DLGAP2: variants seen among roughly 807,000 people sequenced by gnomAD.
DLGAP2 encodes the protein DLG associated protein 2.
In DLGAP2, 26 loss-of-function variants were observed where a neutral mutation model predicts 100.3. The observed-to-expected ratio is 0.26, with a 90% CI of 0.19 to 0.36. The LOEUF is 0.36. DLGAP2 is among the 10% of genes least tolerant of loss of function. DLGAP2 has a pLI of 1.00. For missense variants in DLGAP2, 1,858 were observed against 1,453.2 expected (o/e 1.28, Z -4.53); for synonymous variants, 886 against 630.1 (o/e 1.41, Z -6.08).
intron 10 of DLGAP2, among the ~76,000 whole-genome samples, chr8:1,672,811 T>G (rs553368269): frequency 8.5e-5 from 13 of 152,194 alleles, no homozygotes. Context: ...CAGAGGGAAA[T>G]AAACAGGAGT....
chr8:1,364,506 G>C (rs908535871), intron 3 of DLGAP2, among the ~76,000 whole-genome samples: 1 of 150,232 alleles, frequency 6.7e-6, no homozygotes, highest in African/African-American at 2.4e-5. Flanking sequence ...GAAGGGCGGG[G>C]GGGGTGCAGC....
At chr8:1,170,761 G>A (rs999189519) in intron 2 of DLGAP2, among the ~76,000 whole-genome samples, 2 of 150,100 alleles carry the variant, frequency 1.3e-5, no homozygotes, top group African/African-American at 4.9e-5. Flanking sequence ...GCATCTATTT[G>A]ATTCTTTTCT....
chr8:1,483,985 A>G lies in DLGAP2; in HGVS notation c.107-17381A>G, dbSNP rs557653146. Among the ~76,000 whole-genome samples, 5 of 152,358 alleles carry G rather than the reference A, an allele frequency of 3.3e-5. No homozygotes were observed. In the South Asian group the frequency reaches 1.0e-3, roughly 32 times the overall value. ...TGTTCTTGCCCATGGGTTTAGCGTGATATGGAAACTGGGATGTTTTGCCCC... is the reference window on the plus strand; with the variant it reads ...TGTTCTTGCCCATGGGTTTAGCGTGGTATGGAAACTGGGATGTTTTGCCCC... On this transcript the variant is annotated intron_variant, in intron 3 of 14. Coordinates refer to ENST00000637795, the MANE Select transcript of DLGAP2 (RefSeq NM_001346810.2).
chr8:1,438,335 G>T (rs1403530352), intron 3 of DLGAP2, among the ~76,000 whole-genome samples: 1 of 152,182 alleles, frequency 6.6e-6, no homozygotes, highest in Non-Finnish European at 1.5e-5. Context: ...AAAACCAGAA[G>T]ACCAGTTACA....
intron 2 of DLGAP2, among the ~76,000 whole-genome samples, chr8:936,072 A>G (rs1253450083): frequency 6.6e-6 from 1 of 152,148 alleles, no homozygotes; most frequent in African/African-American, 2.4e-5. Flanking sequence ...CTCGCGGAGC[A>G]CGTTGTGGGT....
intron 1 of DLGAP2, among the ~76,000 whole-genome samples, chr8:862,884 C>A (rs1039160386): frequency 6.6e-6 from 1 of 152,158 alleles, no homozygotes; most frequent in Non-Finnish European, 1.5e-5. Flanking sequence ...TACTTATTAA[C>A]ATACATAATT....
intron 1 of DLGAP2, among the ~76,000 whole-genome samples, chr8:854,883 AG>A (rs1364960790): frequency 6.6e-6 from 1 of 152,244 alleles, no homozygotes; most frequent in Non-Finnish European, 1.5e-5. Flanking sequence ...CACAGGTATC[AG>A]GAAACAGTAG....
At chr8:880,396 A>G (rs981730644) in intron 1 of DLGAP2, among the ~76,000 whole-genome samples, 10 of 152,230 alleles carry the variant, frequency 6.6e-5, no homozygotes, top group African/African-American at 2.4e-4. Context: ...ACTCACACAC[A>G]GAGGGTTCTG....
At chr8:1,554,844 G>C (rs1453951750) in intron 5 of DLGAP2, among the ~76,000 whole-genome samples, 1 of 151,830 alleles carries the variant, frequency 6.6e-6, no homozygotes, top group African/African-American at 2.4e-5. Flanking sequence ...TGGCTTATGG[G>C]GTGCTTTCAA....
At chr8:1,419,416 TG>T (rs1473115906) in intron 3 of DLGAP2, among the ~76,000 whole-genome samples, 8 of 77,382 alleles carry the variant, frequency 1.0e-4, no homozygotes, top group African/African-American at 2.8e-4. Flanking sequence ...TACATATTTG[TG>T]GGATACTGTG....
At chr8:1,315,057 G>T (rs1203157921) in intron 3 of DLGAP2, among the ~76,000 whole-genome samples, 1 of 152,214 alleles carries the variant, frequency 6.6e-6, no homozygotes, top group East Asian at 1.9e-4. Flanking sequence ...TTTTCTAAGT[G>T]ACGCTTTTTT....
chr8:987,163 G>A (rs1012379963), intron 2 of DLGAP2, among the ~76,000 whole-genome samples: 8 of 152,118 alleles, frequency 5.3e-5, no homozygotes, highest in Non-Finnish European at 1.2e-4. Flanking sequence ...ATTCAGTGGT[G>A]CCACCGGAGG....
intron 4 of DLGAP2, among the ~76,000 whole-genome samples, chr8:1,527,129 C>T (rs956480916): frequency 3.3e-5 from 5 of 152,264 alleles, no homozygotes; most frequent in South Asian, 2.1e-4. Context: ...CGCGGGCTCA[C>T]GTTCACACGC....
chr8:933,266 C>T (rs1473274985), intron 2 of DLGAP2, among the ~76,000 whole-genome samples: 1 of 152,266 alleles, frequency 6.6e-6, no homozygotes, highest in Non-Finnish European at 1.5e-5. Flanking sequence ...GTTAGGGAGC[C>T]CTCTGTCCTG....
intron 2 of DLGAP2, among the ~76,000 whole-genome samples, chr8:1,222,973 G>A (rs1285341437): frequency 6.6e-6 from 1 of 152,086 alleles, no homozygotes; most frequent in African/African-American, 2.4e-5. Flanking sequence ...TGGGGGACGG[G>A]TGCCCATGGC....
chr8:1,468,344 G>C (rs1194890412), intron 3 of DLGAP2, among the ~76,000 whole-genome samples: 1 of 151,540 alleles, frequency 6.6e-6, no homozygotes, highest in East Asian at 1.9e-4. Flanking sequence ...GCGTGGATCT[G>C]GGCTGGTCCT....
At chr8:1,218,976 A>G (rs536627726) in intron 2 of DLGAP2, among the ~76,000 whole-genome samples, 2 of 152,110 alleles carry the variant, frequency 1.3e-5, no homozygotes, top group Non-Finnish European at 2.9e-5. Context: ...CACTGAGTTT[A>G]TATCCTGAGA....
At chr8:912,633 G>A (rs1028910954) in intron 2 of DLGAP2, among the ~76,000 whole-genome samples, 1 of 151,328 alleles carries the variant, frequency 6.6e-6, no homozygotes, top group African/African-American at 2.4e-5. Context: ...CTTCCTCTCT[G>A]TGGAGCTGAG....
chr8:1,369,153 G>C (rs1440880804), intron 3 of DLGAP2: 1 of 152,156 alleles, frequency 6.6e-6, no homozygotes, highest in Non-Finnish European at 1.5e-5. Flanking sequence ...ATAATGGACA[G>C]CTTTTGATCA....
Sources: allele counts gnomAD v4.1 joint callset (sites outside exome capture counted in the v4.1 genomes callset), GRCh38; gene constraint gnomAD v4.1.1; transcripts MANE v1.5; gene names NCBI Gene and HGNC (gene_info 2026-07-23, HGNC 2026-07-21).